The following SYNE1 variants were observed in gnomAD, a reference collection of about 807,000 sequenced individuals.
SYNE1 encodes the protein nesprin-1.
In SYNE1, 616 loss-of-function variants were observed where a neutral mutation model predicts 1,111.0. The ratio of observed to expected loss-of-function variants is 0.55; its 90% CI spans 0.52 to 0.59. SYNE1 has a LOEUF of 0.59. SYNE1 is among the 20% of genes least tolerant of loss of function. The pLI is 0.00. For missense variants in SYNE1, 10,006 were observed against 10,417.0 expected, an observed-to-expected ratio of 0.96 and a Z score of 1.72; for synonymous variants, 3,855 against 3,825.8, an observed-to-expected ratio of 1.01 and a Z score of -0.28.
chr6:152,160,725 A>T (rs1313167268), intron 131 of SYNE1, among the ~76,000 whole-genome samples: 1 of 151,912 alleles, frequency 6.6e-6, no homozygotes, highest in Non-Finnish European at 1.5e-5. Flanking sequence ...ATTATAAAGA[A>T]TTTTTCTCCG....
chr6:152,608,621 C>A (rs1312943904), intron 3 of SYNE1, among the ~76,000 whole-genome samples: 2 of 152,122 alleles, frequency 1.3e-5, no homozygotes, highest in Non-Finnish European at 2.9e-5. Flanking sequence ...TCTTTAGGAA[C>A]CTCAGTTACT....
At chr6:152,447,378 T>C (rs2098602082) in intron 29 of SYNE1, 80 bp downstream of exon 29, 1 of 1,497,354 alleles carries the variant, frequency 6.7e-7, no homozygotes, top group African/African-American at 1.4e-5. Context: ...AATTACTTGC[T>C]AAACTACAAC....
In SYNE1 at chr6:152,387,148, G is replaced by C. The variant is rs1447914186; in HGVS notation, c.8411C>G (p.Thr2804Arg). The change falls in exon 54 of 146, where the codon ACA (threonine) becomes AGA (arginine). Residue 2804 changes from threonine (T) to arginine (R), a missense_variant. By Grantham distance (71) the Thr-to-Arg change is moderately conservative (BLOSUM62 -1). Transcript: ENST00000367255. ...TGTGTCCTTGAAAGACTCATCCTCT[G>C]TCTTTTCGTAGAGCTCCCTGGACTT... ...IAKSRELYEK[T>R]EDESFKDTAQ... The C allele has an allele frequency of 1.2e-6, 2 of 1,614,058 alleles. No homozygotes were observed. The highest frequency in any genetic ancestry group is 1.3e-5 in the African/African-American group (1 of 74,934).
chr6:152,131,994 C>T (rs2055850070), intron 144 of SYNE1, 128 bp downstream of exon 144: 10 of 781,338 alleles, frequency 1.3e-5, no homozygotes, highest in Admixed American at 4.0e-5. Flanking sequence ...TGAGGAAGCG[C>T]GCTACCCTGT....
intron 3 of SYNE1, among the ~76,000 whole-genome samples, chr6:152,622,380 A>G (rs1004398463): frequency 1.3e-5 from 2 of 152,106 alleles, no homozygotes; most frequent in Non-Finnish European, 2.9e-5. Flanking sequence ...TATCAAGCAT[A>G]GTACTTATTA....
At chr6:152,130,638 TATAG>T in intron 145 of SYNE1, 78 bp downstream of exon 145, 1 of 1,448,910 alleles carries the variant, frequency 6.9e-7, no homozygotes, top group African/African-American at 1.4e-5. Context: ...GCAGACCAGA[TATAG>T]GTCAACCTAA....
intron 98 of SYNE1, among the ~76,000 whole-genome samples, chr6:152,275,068 G>C (rs927802280): frequency 1.3e-5 from 2 of 152,006 alleles, no homozygotes; most frequent in Admixed American, 6.5e-5. Context: ...CACCACGCCC[G>C]GCTAATGTTT....
intron 25 of SYNE1, among the ~76,000 whole-genome samples, chr6:152,452,702 C>T (rs373636765): frequency 4.9e-4 from 75 of 152,316 alleles, no homozygotes; most frequent in African/African-American, 1.7e-3. Flanking sequence ...TCAAGGAAGA[C>T]AGCCTTCCAT....
At chr6:152,284,762 T>A (rs1304379377) in intron 95 of SYNE1, among the ~76,000 whole-genome samples, 1 of 151,790 alleles carries the variant, frequency 6.6e-6, no homozygotes, top group African/African-American at 2.4e-5. Context: ...TCTAAGAGTC[T>A]CCAATACAAC....
Position 152,239,686 on chromosome 6 carries a change from T to C in SYNE1, c.19914A>G (p.Glu6638=). Residue 6638 remains glutamate (E), a synonymous_variant, in exon 108 of 146, where the codon GAA becomes GAG. Transcript: ENST00000367255. ...DKHKEYFQGL[E]SHMILTETLF... ...GTGTTTCAGTCAAGATCATATGAGATTCCAGGCCCTGAAAGTATTCCTGCA... is the reference window on the plus strand; with the variant it reads ...GTGTTTCAGTCAAGATCATATGAGACTCCAGGCCCTGAAAGTATTCCTGCA... 3 of 1,614,154 alleles carry C rather than the reference T, an allele frequency of 1.9e-6. No homozygotes were observed. Among genetic ancestry groups the C allele is most frequent in the Non-Finnish European group, 2.5e-6 (3 of 1,180,004 alleles).
intron 4 of SYNE1, among the ~76,000 whole-genome samples, chr6:152,536,711 C>T (rs2099245021): frequency 6.6e-6 from 1 of 151,552 alleles, no homozygotes; most frequent in South Asian, 2.1e-4. Context: ...ATCATTTGCT[C>T]AAGTCAGAAA....
In SYNE1 at chr6:152,244,537, C is replaced by T; in HGVS notation, c.19692G>A (p.Gln6564=). 1 of 1,614,024 alleles carries T rather than the reference C, an allele frequency of 6.2e-7. No homozygotes were observed. Among genetic ancestry groups the T allele is most frequent in the Non-Finnish European group, 8.5e-7 (1 of 1,179,932 alleles). The part of the protein sequence containing the change: ...QPSMQELSKL[Q]DMYDELMMII... ...GAATACTACTGGCTGAAGGCTGCAC[C>T]TGGAGCTTGGAGAGTTCTTGCATGG... is the stretch of plus-strand genomic sequence containing the variant. Residue 6564 remains glutamine, a splice_region_variant and synonymous_variant, in exon 106 of 146, where the codon CAG becomes CAA. Coordinates refer to ENST00000367255, the MANE Select transcript of SYNE1 (RefSeq NM_182961.4).
chr6:152,334,674 T>C (rs774767363), intron 76 of SYNE1, among the ~76,000 whole-genome samples: 3 of 152,222 alleles, frequency 2.0e-5, no homozygotes, highest in Non-Finnish European at 2.9e-5. Flanking sequence ...GTGCTTTTAT[T>C]CTCAAGACAT....
At chr6:152,474,207 A>G (rs57098692) in intron 14 of SYNE1, among the ~76,000 whole-genome samples, 24 of 152,160 alleles carry the variant, frequency 1.6e-4, no homozygotes, top group African/African-American at 5.5e-4. Flanking sequence ...GAACTTCAAC[A>G]GTTGGCATGA....
At chr6:152,165,493 A>C (rs1563155831) in intron 130 of SYNE1, among the ~76,000 whole-genome samples, 1 of 152,170 alleles carries the variant, frequency 6.6e-6, no homozygotes, top group Non-Finnish European at 1.5e-5. Flanking sequence ...GTAATTAATA[A>C]TTCTTCTATT....
Position 152,168,568 on chromosome 6 carries a change from G to A in SYNE1, c.23628-4243C>T, listed in dbSNP as rs558822871. On this transcript the variant is annotated intron_variant, in intron 130 of 145. Transcript: ENST00000367255. ...TGTAAGGACAGTCAACTTTTCTTGC[G>A]GGCAGTTTGTTATGCTGGGAAAGCT... Among the ~76,000 whole-genome samples the A allele has an allele frequency of 1.4e-4, 21 of 152,278 alleles. No individual in the cohort carries two copies. In the South Asian group the frequency reaches 2.7e-3, roughly 20 times the overall value.
intron 63 of SYNE1, among the ~76,000 whole-genome samples, chr6:152,364,255 A>G (rs144876292): frequency 6.6e-6 from 1 of 152,272 alleles, no homozygotes; most frequent in Non-Finnish European, 1.5e-5. Flanking sequence ...TTGGGAGTCA[A>G]TTAAACCTCT....
At chr6:152,377,608 T>TAAAA (rs869031827) in intron 56 of SYNE1, among the ~76,000 whole-genome samples, 10 of 31,366 alleles carry the variant, frequency 3.2e-4, no homozygotes, top group South Asian at 2.3e-3. Flanking sequence ...AACTCCGTCT[T>TAAAA]AAAAAAAAAA....
chr6:152,554,496 G>A (rs1208828298), intron 3 of SYNE1, among the ~76,000 whole-genome samples: 2 of 152,186 alleles, frequency 1.3e-5, no homozygotes, highest in African/African-American at 4.8e-5. Flanking sequence ...CAGGGAAGGG[G>A]CCATAGCTTT....
Sources: allele counts gnomAD v4.1 joint callset (sites outside exome capture counted in the v4.1 genomes callset), GRCh38; gene constraint gnomAD v4.1.1; transcripts MANE v1.5; gene names NCBI Gene and HGNC (gene_info 2026-07-23, HGNC 2026-07-21).